ACAD8: variants seen among roughly 807,000 people sequenced by gnomAD.
The protein encoded by ACAD8 is isobutyryl-CoA dehydrogenase, mitochondrial.
Under a neutral mutation model 53.1 loss-of-function variants are expected in ACAD8, and 47 were observed. That is an observed-to-expected ratio of 0.89 (90% CI 0.70 to 1.13). The LOEUF is 1.13. Among genes scored for constraint, ACAD8 ranks in the 50% most tolerant of loss-of-function variants. The pLI, the probability that ACAD8 is intolerant of heterozygous loss-of-function variation, is 0.00. For missense variants in ACAD8, 494 were observed against 535.0 expected (o/e 0.92, Z 0.76); for synonymous variants, 198 against 201.3 (o/e 0.98, Z 0.14).
intron 2 of ACAD8, 66 bp from the exon 3 acceptor site, chr11:134,257,022 G>A: frequency 3.2e-6 from 5 of 1,551,464 alleles, no homozygotes; most frequent in Non-Finnish European, 3.6e-6. Context: ...ATCCCTCACT[G>A]TGCCCTCTAA....
rs762049083 is a variant in ACAD8 at position 134,259,144 on chromosome 11, C to A, written c.567+60C>A. On this transcript the variant is annotated intron_variant, in intron 5 of 10. Transcript: ENST00000281182. ...ATTGTTCCCAGCTTCCTCCTGACAT[C>A]CTCTGGTTCCTTCACATCCGCGGGT... The A allele has an allele frequency of 4.1e-5, 61 of 1,473,908 alleles. No individual in the cohort carries two copies. The Admixed American group carries it at 6.5e-4, about 16-fold the overall frequency. 91.3% of individuals were successfully genotyped at this position (1,473,908 alleles called of 1,614,324 possible).
rs1017822780 is a variant in ACAD8, at chr11:134,261,297, C to G, written c.864C>G (p.Ala288=). 4 of 1,614,052 alleles carry G rather than the reference C, an allele frequency of 2.5e-6. No individual in the cohort carries two copies. Among genetic ancestry groups the G allele is most frequent in the Non-Finnish European group, 1.7e-6 (2 of 1,180,036 alleles). ...TAGCTTCCTGCTCCCTGGGGGCTGCCCACGCCTCTGTCATCCTCACCCGAG... is the reference window on the plus strand; with the variant it reads ...TAGCTTCCTGCTCCCTGGGGGCTGCGCACGCCTCTGTCATCCTCACCCGAG... ...INIASCSLGA[A]HASVILTRDH... Residue 288 remains alanine, a synonymous_variant, in exon 8 of 11, where the codon GCC becomes GCG. Transcript: ENST00000281182. This position sits in a 1 kb window ranked among gnomAD's most constrained non-coding sequence, Gnocchi z 4.2.
At chr11:134,260,678 A>G (rs1939823638) in intron 6 of ACAD8, 3 of 355,300 alleles carry the variant, frequency 8.4e-6, no homozygotes, top group Non-Finnish European at 1.6e-5. Context: ...AAGGCAGTCT[A>G]TTTTCAGAGC....
At chr11:134,263,913 C>T (rs1438323544) in intron 10 of ACAD8, 1 of 985,256 alleles carries the variant, frequency 1.0e-6, no homozygotes, top group Non-Finnish European at 1.2e-6. Context: ...GTTTATATTT[C>T]TTTTTGCATT....
rs1385835462 is a variant in ACAD8, at chr11:134,259,750, G to A, written c.705+5G>A. 6.2e-7 allele frequency: 1 copy of A among 1,614,200 alleles called. No individual in the cohort carries two copies. The highest frequency in any genetic ancestry group is 1.3e-5 in the African/African-American group (1 of 75,054). ...TTTGGCAAGAAGGAGAAAAAGGTGA[G>A]TGGCTGTTGGACAGGAAACAATTCA... On this transcript the variant is annotated splice_donor_5th_base_variant and intron_variant, in intron 6 of 10. Transcript: ENST00000281182.
At chr11:134,264,172 C>G (rs1940062157) in intron 10 of ACAD8, 2 of 448,350 alleles carry the variant, frequency 4.5e-6, no homozygotes, top group Non-Finnish European at 5.9e-6. Flanking sequence ...CGGTGAAGCC[C>G]CGACTGTCTA....
In ACAD8 at chr11:134,261,530, G is replaced by T. The variant is rs1939880445; in HGVS notation, c.939+158G>T. ...CTTTATTTCTGTCCATCTTTTCTTG[G>T]GATATCTTTAACGATATTAAAGTGT... On this transcript the variant is annotated intron_variant, in intron 8 of 10. Coordinates refer to ENST00000281182, the MANE Select transcript of ACAD8 (RefSeq NM_014384.3). This position sits in a 1 kb window ranked among gnomAD's most constrained non-coding sequence, Gnocchi z 4.2. The T allele has an allele frequency of 6.6e-7, 1 of 1,505,988 alleles. No homozygotes were observed. The highest frequency in any genetic ancestry group is 2.4e-5 in the East Asian group (1 of 41,296). The allele number at this position is 1,505,988 out of a possible 1,614,324, so 93.3% of individuals were successfully genotyped here.
chr11:134,258,949 C>A, intron 4 of ACAD8, 59 bp from the exon 5 acceptor site: 2 of 1,366,962 alleles, frequency 1.5e-6, no homozygotes, highest in Non-Finnish European at 2.1e-6. Context: ...TTGTGCTGGG[C>A]TCCCTCGACC....
chr11:134,262,715 G>C (rs1939962623), intron 10 of ACAD8, 93 bp downstream of exon 10: 3 of 1,523,948 alleles, frequency 2.0e-6, no homozygotes, highest in Non-Finnish European at 2.7e-6. Flanking sequence ...CTGGGCCTCA[G>C]GGTGCAGTCA....
In ACAD8 at chr11:134,261,819, CAGG is replaced by C. The variant is rs1472034025; in HGVS notation, c.1027_1029del (p.Glu343del). 6.2e-7 allele frequency: 1 copy of C among 1,614,084 alleles called. No individual in the cohort carries two copies. Among genetic ancestry groups the C allele is most frequent in the Non-Finnish European group, 8.5e-7 (1 of 1,180,044 alleles). On this transcript the variant is annotated inframe_deletion, in exon 9 of 11. Transcript: ENST00000281182. The surrounding 1 kb of genome is among the most constrained non-coding windows in gnomAD (Gnocchi z 4.2). ...GGTCCGCAATGCAGCAGTGGCTCTGCAGGAGGAGAGGAAGGATGCAGTGGCCTT... is the reference window on the plus strand; with the variant it reads ...GGTCCGCAATGCAGCAGTGGCTCTGCAGGAGAGGAAGGATGCAGTGGCCTT...
intron 10 of ACAD8, among the ~76,000 whole-genome samples, chr11:134,264,410 C>G (rs1940075570): frequency 6.6e-6 from 1 of 152,048 alleles, no homozygotes; most frequent in South Asian, 2.1e-4. Context: ...CCCAGCTACT[C>G]AGGAGGCTGA....
chr11:134,262,068 C>G, intron 9 of ACAD8, 178 bp downstream of exon 9: 1 of 751,638 alleles, frequency 1.3e-6, no homozygotes, highest in Non-Finnish European at 2.3e-6. Flanking sequence ...TCATCGCTGG[C>G]TTTTAGGCCT....
At chr11:134,260,903 T>G in intron 6 of ACAD8, 141 bp from the exon 7 acceptor site, 1 of 979,634 alleles carries the variant, frequency 1.0e-6, no homozygotes, top group South Asian at 1.4e-5. Context: ...AAACCTGAAC[T>G]TTTTCTTTTT....
At chr11:134,262,685 A>T (rs528146995) in intron 10 of ACAD8, 63 bp downstream of exon 10, 122 of 1,545,378 alleles carry the variant, frequency 7.9e-5, no homozygotes, top group African/African-American at 1.2e-4. Flanking sequence ...TGCTTTCCCC[A>T]CTCTCTGTCC....
At position 134,258,284 on chromosome 11, in the gene ACAD8, G is replaced by C. The variant is rs7109162; in HGVS notation, c.381-231G>C. The C allele has an allele frequency of 0.028, 16,594 of 582,604 alleles. 2,104 individuals carry two copies. Among genetic ancestry groups the C allele is most frequent in the African/African-American group, 0.27 (14,657 of 53,584 alleles). The allele number at this position is 582,604 out of a possible 1,614,324, so 36.1% of individuals were successfully genotyped here. On this transcript the variant is annotated intron_variant, in intron 3 of 10. Transcript: ENST00000281182. ...ACCTAACTAGAAGTAGTACAAACGT[G>C]CTGGTGAGAAGTACCTCAGCCTGGT...
chr11:134,257,258 G>GT lies in ACAD8; in HGVS notation c.380+2dup. The stretch of plus-strand genomic sequence containing the variant: ...CCACAGCCTATATAAGCATCCACAA[G>GT]TGAGTGCCCAAGCTTGGAAGGCACA... On this transcript the variant is annotated splice_donor_variant, in intron 3 of 10. Transcript: ENST00000281182. LOFTEE classifies it high-confidence loss of function. 5.6e-6 allele frequency: 9 copies of GT among 1,614,172 alleles called. No individual in the cohort carries two copies. Among genetic ancestry groups the GT allele is most frequent in the Non-Finnish European group, 5.9e-6 (7 of 1,180,046 alleles).
rs553196832 is a variant in ACAD8 at position 134,264,177 on chromosome 11, T to C, written c.1196-731T>C. ...TTGGCCAACCCGGTGAAGCCCCGACTGTCTAAAATTATAAAAAGTTAGCTG... is the reference window on the plus strand; with the variant it reads ...TTGGCCAACCCGGTGAAGCCCCGACCGTCTAAAATTATAAAAAGTTAGCTG... On this transcript the variant is annotated intron_variant, in intron 10 of 10. Coordinates refer to ENST00000281182, the MANE Select transcript of ACAD8 (RefSeq NM_014384.3). 78 of 426,524 alleles carry C rather than the reference T, an allele frequency of 1.8e-4. 2 individuals are homozygous for C. The highest frequency in any genetic ancestry group is 1.5e-3 in the African/African-American group (70 of 46,158). 26.4% of individuals were successfully genotyped at this position (426,524 alleles called of 1,614,324 possible).
chr11:134,265,010 G>C lies in ACAD8; in HGVS notation c.*50G>C, dbSNP rs774442164. 1.3e-6 allele frequency: 2 copies of C among 1,589,026 alleles called. No individual in the cohort carries two copies. Among genetic ancestry groups the C allele is most frequent in the Non-Finnish European group, 1.7e-6 (2 of 1,157,470 alleles). On this transcript the variant is annotated 3_prime_UTR_variant, in exon 11 of 11. Coordinates refer to ENST00000281182, the MANE Select transcript of ACAD8 (RefSeq NM_014384.3). ...GTTCAGTGCGACTGCAGTCAGTGTT[G>C]AGTGGTGCCATGTGGGCCGCTCTAT...
Position 134,261,590 on chromosome 11 carries a change from A to G in ACAD8, c.940-148A>G, listed in dbSNP as rs547182197. ...GAAGTGGACTTAGCACTTAAAAGCA[A>G]TAAATTTCCTCTATAGAAAAAGCAA... On this transcript the variant is annotated intron_variant, in intron 8 of 10. Transcript: ENST00000281182. This position sits in a 1 kb window ranked among gnomAD's most constrained non-coding sequence, Gnocchi z 4.2. 5.2e-6 allele frequency: 8 copies of G among 1,543,700 alleles called. No individual in the cohort carries two copies. In the East Asian group the frequency reaches 1.7e-4, roughly 33 times the overall value.
Sources: allele counts gnomAD v4.1 joint callset (sites outside exome capture counted in the v4.1 genomes callset), GRCh38; gene constraint gnomAD v4.1.1; non-coding constraint Gnocchi (gnomAD v3.1); transcripts MANE v1.5; gene names NCBI Gene and HGNC (gene_info 2026-07-23, HGNC 2026-07-21).